The following FBXO39 variants were observed in gnomAD, a reference collection of about 807,000 sequenced individuals.
FBXO39 encodes F-box only protein 39.
FBXO39 carries 22 observed loss-of-function variants against 36.6 expected under a neutral mutation model. That is an observed-to-expected ratio of 0.60 (90% CI 0.43 to 0.86). The LOEUF is 0.86. Ranked by LOEUF, FBXO39 falls within the 40% of genes least tolerant of loss-of-function variation. The probability of loss-of-function intolerance (pLI) is 0.00; values close to 1 mark genes in which losing one functional copy is unlikely to be tolerated. For missense variants in FBXO39, 536 were observed against 543.9 expected, an observed-to-expected ratio of 0.99 and a Z score of 0.14; for synonymous variants, 206 against 205.8, an observed-to-expected ratio of 1.00 and a Z score of -0.01.
chr17:6,782,892 C>T (rs1409515052), intron 2 of FBXO39, among the ~76,000 whole-genome samples: 1 of 152,054 alleles, frequency 6.6e-6, no homozygotes, highest in African/African-American at 2.4e-5. Context: ...AAAGAAACAG[C>T]AGACTTAATT....
chr17:6,784,914 A>C (rs1314916748), intron 2 of FBXO39, among the ~76,000 whole-genome samples: 1 of 130,804 alleles, frequency 7.6e-6, no homozygotes, highest in African/African-American at 3.4e-5. Context: ...AAGAATCTTA[A>C]ATTTATATAT....
Position 6,779,836 on chromosome 17 carries a change from A to AC in FBXO39, c.-32dup, listed in dbSNP as rs1336023552. ...TCCTCATTTTTGGAAGCCCTGCCTA[A>AC]CACACAGCTGCACTGTACATCCCAG... On this transcript the variant is annotated 5_prime_UTR_variant, in exon 2 of 4. Coordinates refer to ENST00000321535, the MANE Select transcript of FBXO39 (RefSeq NM_153230.3). 1 of 1,592,352 alleles carries AC rather than the reference A, an allele frequency of 6.3e-7. No individual in the cohort carries two copies. The highest frequency in any genetic ancestry group is 8.6e-7 in the Non-Finnish European group (1 of 1,167,788).
Position 6,787,328 on chromosome 17 carries a change from CG to C in FBXO39, c.1230del (p.Asn411MetfsTer17). On this transcript the variant is annotated frameshift_variant, in exon 4 of 4. Coordinates refer to ENST00000321535, the MANE Select transcript of FBXO39 (RefSeq NM_153230.3). LOFTEE classifies it high-confidence loss of function. ...AGAATTTATACAAACAGATATGAGA[CG>C]AATGAAGAGGACAAGACCCTGCAGG... ...KARIYTNRYETNEEDKTLQEI... is the reference protein window; with the variant it reads ...KARIYTNRYEXNEEDKTLQEI... The C allele has an allele frequency of 6.2e-7, 1 of 1,613,574 alleles. No homozygotes were observed. The highest frequency in any genetic ancestry group is 8.5e-7 in the Non-Finnish European group (1 of 1,179,928).
intron 2 of FBXO39, among the ~76,000 whole-genome samples, chr17:6,784,532 C>CAAAAACAAG (rs756567464): frequency 6.8e-6 from 1 of 146,878 alleles, no homozygotes; most frequent in Non-Finnish European, 1.5e-5. Context: ...AAAACAAAAA[C>CAAAAACAAG]AAAAAAAACT....
chr17:6,782,376 C>T (rs970385923), intron 2 of FBXO39, among the ~76,000 whole-genome samples: 10 of 152,058 alleles, frequency 6.6e-5, no homozygotes, highest in East Asian at 5.8e-4. Flanking sequence ...AAGAGAAGAC[C>T]GCAAAAAACC....
chr17:6,786,395 CAA>C (rs1328540788), intron 2 of FBXO39, among the ~76,000 whole-genome samples: 1 of 150,638 alleles, frequency 6.6e-6, no homozygotes, highest in Non-Finnish European at 1.5e-5. Flanking sequence ...CTAATGGGTA[CAA>C]AAAAAGTTAG....
At chr17:6,776,614 GA>G (rs1976416624) in intron 1 of FBXO39, among the ~76,000 whole-genome samples, 1 of 152,160 alleles carries the variant, frequency 6.6e-6, no homozygotes, top group African/African-American at 2.4e-5. Context: ...CCGTATTTGT[GA>G]AATGGATGTG....
chr17:6,780,153 A>C lies in FBXO39; in HGVS notation c.285A>C (p.Lys95Asn). 1 of 1,614,186 alleles carries C rather than the reference A, an allele frequency of 6.2e-7. No homozygotes were observed. ...FGRYLEHLEV[K>N]FMNPYNAVLT... ...GTTATCTGGAGCACCTGGAGGTCAAATTCATGAATCCTTACAATGCTGTCT... is the reference window on the plus strand; with the variant it reads ...GTTATCTGGAGCACCTGGAGGTCAACTTCATGAATCCTTACAATGCTGTCT... Residue 95 changes from lysine (K) to asparagine (N), a missense_variant, in exon 2 of 4, where the codon AAA becomes AAC. Physicochemically the swap from Lys to Asn is moderately conservative, Grantham distance 94. Transcript: ENST00000321535.
Position 6,780,754 on chromosome 17 carries a change from G to A in FBXO39, c.886G>A (p.Glu296Lys), listed in dbSNP as rs779573380. Residue 296 changes from glutamate to lysine, a missense_variant, in exon 2 of 4, where the codon GAA (glutamate) becomes AAA (lysine). Physicochemically the swap from Glu to Lys is moderately conservative, Grantham distance 56. Transcript: ENST00000321535. ...NFFFERIMKY[E>K]RLARILLQEI... ...CTTCTTTGAACGGATCATGAAGTACGAACGCTTGGCCCGAATCCTCTTGCA... is the reference window on the plus strand; with the variant it reads ...CTTCTTTGAACGGATCATGAAGTACAAACGCTTGGCCCGAATCCTCTTGCA... The A allele has an allele frequency of 5.6e-6, 9 of 1,614,104 alleles. No homozygotes were observed. The highest frequency in any genetic ancestry group is 1.7e-5 in the Admixed American group (1 of 60,022).
At chr17:6,777,379 G>A (rs34749260) in intron 1 of FBXO39, among the ~76,000 whole-genome samples, 6,179 of 152,150 alleles carry the variant, frequency 0.041, 178 homozygotes, top group Non-Finnish European at 0.063. Context: ...CTGTTCCTGC[G>A]TTAGTTTGCT....
At chr17:6,787,250 G>A (rs569403414) in intron 3 of FBXO39, 50 bp from the exon 4 acceptor site, 8 of 1,581,562 alleles carry the variant, frequency 5.1e-6, no homozygotes, top group Non-Finnish European at 5.2e-6. Context: ...GTGTGTGTGT[G>A]TGTGCGTGTG....
chr17:6,784,122 T>C (rs989272244), intron 2 of FBXO39, among the ~76,000 whole-genome samples: 4 of 152,148 alleles, frequency 2.6e-5, no homozygotes, highest in Admixed American at 1.3e-4. Flanking sequence ...TGCAAATAAA[T>C]CAGTGTGACA....
intron 2 of FBXO39, among the ~76,000 whole-genome samples, chr17:6,783,049 A>T (rs546281029): frequency 6.6e-6 from 1 of 152,300 alleles, no homozygotes; most frequent in Non-Finnish European, 1.5e-5. Context: ...AACAGTCAAA[A>T]AATTGAAATT....
intron 1 of FBXO39, among the ~76,000 whole-genome samples, chr17:6,776,542 A>G (rs1442150454): frequency 6.6e-6 from 1 of 152,052 alleles, no homozygotes; most frequent in East Asian, 1.9e-4. Flanking sequence ...TTCGAATCCT[A>G]TCTCCCCACT....
At chr17:6,784,532 C>CAAAAACAAAAACA (rs756567464) in intron 2 of FBXO39, among the ~76,000 whole-genome samples, 9,611 of 146,844 alleles carry the variant, frequency 0.065, 982 homozygotes, top group African/African-American at 0.21. Flanking sequence ...AAAACAAAAA[C>CAAAAACAAAAACA]AAAAAAAACT....
chr17:6,787,429 T>C lies in FBXO39; in HGVS notation c.*1T>C, dbSNP rs1362561760. 1.9e-6 allele frequency: 3 copies of C among 1,613,724 alleles called. No individual in the cohort carries two copies. Among genetic ancestry groups the C allele is most frequent in the East Asian group, 2.2e-5 (1 of 44,894 alleles). On this transcript the variant is annotated 3_prime_UTR_variant, in exon 4 of 4. Coordinates refer to ENST00000321535, the MANE Select transcript of FBXO39 (RefSeq NM_153230.3). Reference sequence around the variant, plus strand: ...TGTCATCGTTTACTCTGTGATGTAATGAGCACTCTACAGATGAAGAAAGCT... The same window carrying C: ...TGTCATCGTTTACTCTGTGATGTAACGAGCACTCTACAGATGAAGAAAGCT...
At chr17:6,777,278 G>A (rs1976438416) in intron 1 of FBXO39, among the ~76,000 whole-genome samples, 1 of 151,632 alleles carries the variant, frequency 6.6e-6, no homozygotes, top group Non-Finnish European at 1.5e-5. Flanking sequence ...CCCCCCGACA[G>A]GCCCCATTGT....
At chr17:6,777,271 C>T (rs538977105) in intron 1 of FBXO39, among the ~76,000 whole-genome samples, 1 of 152,080 alleles carries the variant, frequency 6.6e-6, no homozygotes, top group East Asian at 1.9e-4. Context: ...CCCGCCACCC[C>T]CCGACAGGCC....
rs200419578 is a variant in FBXO39, at chr17:6,780,037, C to G, written c.169C>G (p.Arg57Gly). The change falls in exon 2 of 4, where the codon CGG (arginine) becomes GGG (glycine). Residue 57 changes from arginine (R) to glycine (G), a missense_variant. By Grantham distance (125) the Arg-to-Gly change is moderately radical. Transcript: ENST00000321535. ...NQMMYSAELW[R>G]YRTITFSGRP... ...GATGATGTATTCTGCTGAGCTCTGG[C>G]GGTACAGAACCATCACCTTCAGCGG... The G allele has an allele frequency of 1.6e-4, 254 of 1,614,066 alleles. No individual in the cohort carries two copies. The highest frequency in any genetic ancestry group is 2.1e-4 in the Non-Finnish European group (245 of 1,180,042).
Sources: allele counts gnomAD v4.1 joint callset (sites outside exome capture counted in the v4.1 genomes callset), GRCh38; gene constraint gnomAD v4.1.1; transcripts MANE v1.5; gene names NCBI Gene and HGNC (gene_info 2026-07-23, HGNC 2026-07-21).